The following FABP12 variants were observed in gnomAD, a reference collection of about 807,000 sequenced individuals.
FABP12 encodes fatty acid binding protein 12, also known as fatty acid-binding protein 12.
Under a neutral mutation model 13.7 loss-of-function variants are expected in FABP12, and 19 were observed. The observed-to-expected ratio is 1.39, with a 90% CI of 0.97 to 2.04. FABP12 has a LOEUF of 2.04. Ranked by LOEUF, FABP12 falls within the 30% of genes most tolerant of loss-of-function variation. The pLI is 0.00. For synonymous variants in FABP12, 61 were observed against 57.0 expected (o/e 1.07, Z -0.32); for missense variants, 182 against 164.2 (o/e 1.11, Z -0.59).
At chr8:81,573,713 T>A (rs1321335148) in intron 1 of FABP12, among the ~76,000 whole-genome samples, 1 of 152,010 alleles carries the variant, frequency 6.6e-6, no homozygotes, top group African/African-American at 2.4e-5. Flanking sequence ...TCTTTTGCAG[T>A]TATTGTAAAA....
At chr8:81,568,009 G>A (rs2130063830) in intron 1 of FABP12, among the ~76,000 whole-genome samples, 1 of 152,202 alleles carries the variant, frequency 6.6e-6, no homozygotes, top group South Asian at 2.1e-4. Flanking sequence ...TGTAGTCCCA[G>A]CTACTCGGGA....
intron 1 of FABP12, among the ~76,000 whole-genome samples, chr8:81,580,599 T>C (rs1258826163): frequency 6.6e-6 from 1 of 152,204 alleles, no homozygotes; most frequent in Non-Finnish European, 1.5e-5. Context: ...TAGTCTTCTT[T>C]AGTTGTTTTA....
At chr8:81,576,198 A>C (rs1318949358) in intron 1 of FABP12, among the ~76,000 whole-genome samples, 1 of 152,186 alleles carries the variant, frequency 6.6e-6, no homozygotes, top group East Asian at 1.9e-4. Flanking sequence ...ATAGTGATAA[A>C]ATCTCAAATA....
intron 4 of FABP12, chr8:81,526,060 AATGTCATT>A (rs1808891661): frequency 6.6e-6 from 1 of 152,188 alleles, no homozygotes; most frequent in Admixed American, 6.5e-5. Context: ...TTTATTGGCT[AATGTCATT>A]ATAAACAGCA....
At chr8:81,562,711 G>A (rs1390259764) in intron 1 of FABP12, among the ~76,000 whole-genome samples, 1 of 152,004 alleles carries the variant, frequency 6.6e-6, no homozygotes. Context: ...GAAAGAGTGA[G>A]AAGAACTTCA....
intron 1 of FABP12, among the ~76,000 whole-genome samples, chr8:81,563,202 G>A (rs1396626881): frequency 6.6e-6 from 1 of 152,172 alleles, no homozygotes; most frequent in African/African-American, 2.4e-5. Flanking sequence ...GTCTGCAATA[G>A]CCACAGCATT....
intron 1 of FABP12, among the ~76,000 whole-genome samples, chr8:81,549,269 T>C (rs1281211783): frequency 6.6e-6 from 1 of 151,830 alleles, no homozygotes; most frequent in Non-Finnish European, 1.5e-5. Flanking sequence ...GTACACACCC[T>C]GGTTGGTTCT....
intron 2 of FABP12, among the ~76,000 whole-genome samples, chr8:81,539,577 T>C (rs1362143971): frequency 6.6e-6 from 1 of 151,944 alleles, no homozygotes; most frequent in African/African-American, 2.4e-5. Flanking sequence ...ATAAAATAAA[T>C]TAGTTGATGC....
At chr8:81,588,173 C>A (rs1437223356) in intron 1 of FABP12, among the ~76,000 whole-genome samples, 1 of 152,208 alleles carries the variant, frequency 6.6e-6, no homozygotes, top group African/African-American at 2.4e-5. Context: ...AACACTCTCA[C>A]AGACACACCC....
intron 4 of FABP12, chr8:81,525,967 A>G (rs1022942040): frequency 9.2e-5 from 14 of 152,192 alleles, no homozygotes; most frequent in Non-Finnish European, 1.5e-4. Context: ...AAAGTCACGT[A>G]AGTACTGAAT....
Position 81,553,404 on chromosome 8 carries a change from A to T in FABP12, c.-184-13661T>A, listed in dbSNP as rs372584748. 2.0e-4 allele frequency among the ~76,000 whole-genome samples: 30 copies of T among 152,292 alleles called. No homozygotes were observed. The South Asian group carries it at 6.0e-3, about 31-fold the overall frequency. On this transcript the variant is annotated intron_variant, in intron 1 of 5. Transcript: ENST00000692030. ...ATTTTGGACACAGTGCTATTGTATC[A>T]ATTTATACTATATTTTCACAGTGCT...
At chr8:81,540,713 G>C (rs957775679) in intron 1 of FABP12, among the ~76,000 whole-genome samples, 3 of 152,130 alleles carry the variant, frequency 2.0e-5, no homozygotes, top group Non-Finnish European at 4.4e-5. Flanking sequence ...TCCAAATAAA[G>C]TCTATAGTTT....
intron 1 of FABP12, among the ~76,000 whole-genome samples, chr8:81,552,508 A>G (rs1431064200): frequency 6.6e-6 from 1 of 152,164 alleles, no homozygotes; most frequent in Non-Finnish European, 1.5e-5. Context: ...ACTGGATGGC[A>G]AGAGAGTTGG....
At chr8:81,532,322 A>T (rs2129955947) in intron 1 of FABP12, among the ~76,000 whole-genome samples, 1 of 152,368 alleles carries the variant, frequency 6.6e-6, no homozygotes, top group African/African-American at 2.4e-5. Context: ...TACTGAAGTT[A>T]TAAAATTATT....
chr8:81,578,322 C>T (rs1396052862), intron 1 of FABP12, among the ~76,000 whole-genome samples: 1 of 152,052 alleles, frequency 6.6e-6, no homozygotes, highest in Non-Finnish European at 1.5e-5. Flanking sequence ...ATATTTTAGT[C>T]CTATGTAATC....
chr8:81,537,175 T>C (rs924267344), upstream of FABP12, among the ~76,000 whole-genome samples: 42 of 152,196 alleles, frequency 2.8e-4, no homozygotes, highest in African/African-American at 9.6e-4. Context: ...AAAAGTAACA[T>C]GAGATGGTTA....
rs996396777 is a variant in FABP12 at position 81,553,374 on chromosome 8, C to T, written c.-184-13631G>A. Among the ~76,000 whole-genome samples the T allele has an allele frequency of 5.9e-5, 9 of 152,080 alleles. No individual in the cohort carries two copies. The South Asian group carries it at 1.0e-3, about 17-fold the overall frequency. On this transcript the variant is annotated intron_variant, in intron 1 of 5. Coordinates refer to the FABP12 transcript ENST00000692030. ...ACCTTAAATCTTGTTTTCAACCTAACGAAGATTTTGGACACAGTGCTATTG... is the reference window on the plus strand; with the variant it reads ...ACCTTAAATCTTGTTTTCAACCTAATGAAGATTTTGGACACAGTGCTATTG...
intron 1 of FABP12, among the ~76,000 whole-genome samples, chr8:81,584,239 C>G (rs563708583): frequency 6.6e-6 from 1 of 152,282 alleles, no homozygotes; most frequent in South Asian, 2.1e-4. Context: ...TAAGATTTGA[C>G]TAGAGTGTCA....
chr8:81,549,326 C>T (rs1809489940), intron 1 of FABP12, among the ~76,000 whole-genome samples: 1 of 152,046 alleles, frequency 6.6e-6, no homozygotes, highest in Admixed American at 6.5e-5. Context: ...AGAAAAATGA[C>T]AGAATACATT....
Sources: allele counts gnomAD v4.1 joint callset (sites outside exome capture counted in the v4.1 genomes callset), GRCh38; gene constraint gnomAD v4.1.1; transcripts MANE v1.5; gene names NCBI Gene and HGNC (gene_info 2026-07-23, HGNC 2026-07-21).